Variants in FRMPD4 observed in about 807,000 individuals in gnomAD.
FRMPD4 encodes FERM and PDZ domain containing 4, also known as FERM and PDZ domain-containing protein 4.
A neutral mutation model predicts 94.1 loss-of-function variants in FRMPD4; 22 were observed. The observed-to-expected ratio is 0.23, with a 90% CI of 0.17 to 0.33. FRMPD4 has a LOEUF of 0.33. Among genes scored for constraint, FRMPD4 ranks in the 10% least tolerant of loss-of-function variants. FRMPD4 has a pLI of 1.00. For missense variants in FRMPD4, 1,111 were observed against 1,339.9 expected (o/e 0.83, Z 2.67); for synonymous variants, 631 against 548.6 (o/e 1.15, Z -2.10).
intron 1 of FRMPD4, among the ~76,000 whole-genome samples, chrX:12,319,358 G>C (rs1288759403): frequency 8.9e-6 from 1 of 112,143 alleles, no homozygotes; most frequent in Non-Finnish European, 1.9e-5. Flanking sequence ...TATCTGGAAA[G>C]TTTTAGAAAG....
intron 3 of FRMPD4, among the ~76,000 whole-genome samples, chrX:11,890,666 G>T (rs1038961575): frequency 1.8e-5 from 2 of 112,303 alleles, no homozygotes; most frequent in South Asian, 3.7e-4. Context: ...AAGACAGGTG[G>T]TTAAATAATT....
At chrX:11,992,142 G>GAA (rs58215165) in intron 3 of FRMPD4, among the ~76,000 whole-genome samples, 10,712 of 105,358 alleles carry the variant, frequency 0.1, 429 homozygotes, top group Non-Finnish European at 0.12. Flanking sequence ...AATTAAAAGA[G>GAA]AAAAAAAAAA....
At chrX:11,891,084 C>A (rs2053871040) in intron 3 of FRMPD4, among the ~76,000 whole-genome samples, 2 of 112,871 alleles carry the variant, frequency 1.8e-5, no homozygotes, top group Non-Finnish European at 3.8e-5. Context: ...CCAGCATTTT[C>A]TCTACTTCCT....
At chrX:11,930,141 G>A (rs1340141634) in intron 3 of FRMPD4, among the ~76,000 whole-genome samples, 1 of 64,774 alleles carries the variant, frequency 1.5e-5, no homozygotes, top group East Asian at 1.3e-3. Context: ...AAAAGGCACC[G>A]TCATGGGAAC....
At chrX:12,310,676 A>T (rs187388334) in intron 1 of FRMPD4, among the ~76,000 whole-genome samples, 1 of 112,297 alleles carries the variant, frequency 8.9e-6, no homozygotes, top group Non-Finnish European at 1.9e-5. Flanking sequence ...CCCCAATCCA[A>T]TGCAGCCAGG....
At chrX:11,891,106 G>A (rs1366487938) in intron 3 of FRMPD4, among the ~76,000 whole-genome samples, 3 of 112,584 alleles carry the variant, frequency 2.7e-5, no homozygotes, top group Non-Finnish European at 3.8e-5. Flanking sequence ...TTTTAGACAC[G>A]TCTTCCTGCC....
rs188220120 is a variant in FRMPD4 at position 12,481,034 on chromosome X, G to A, written c.42-17646G>A. On this transcript the variant is annotated intron_variant, in intron 1 of 16. Coordinates refer to ENST00000675598, the MANE Select transcript of FRMPD4 (RefSeq NM_001368397.1). ...AGGAGGTAGAGAGTCAACTCAGGTA[G>A]TAATACCCAATACCTTTGGGCCAGC... Among the ~76,000 whole-genome samples, 316 of 111,610 alleles carry A rather than the reference G, an allele frequency of 2.8e-3. 1 individual carries two copies. Among genetic ancestry groups the A allele is most frequent in the African/African-American group, 9.6e-3 (293 of 30,679 alleles).
At chrX:12,555,938 C>G in intron 2 of FRMPD4, among the ~76,000 whole-genome samples, 1 of 111,124 alleles carries the variant, frequency 9.0e-6, no homozygotes, top group Non-Finnish European at 1.9e-5. Context: ...TGGGGTTTCA[C>G]TATGTTGCCC....
At chrX:12,158,870 A>G (rs192307644) in intron 1 of FRMPD4, among the ~76,000 whole-genome samples, 52 of 112,132 alleles carry the variant, frequency 4.6e-4, no homozygotes, top group African/African-American at 1.6e-3. Context: ...TGTCTTTGAT[A>G]GTCACTCCTA....
chrX:12,622,083 GA>G (rs1159325462), intron 4 of FRMPD4, among the ~76,000 whole-genome samples: 4 of 52,811 alleles, frequency 7.6e-5, no homozygotes, highest in African/African-American at 1.0e-4. Flanking sequence ...AAGAAGGAAA[GA>G]AGAAGAAAAG....
At chrX:12,102,927 A>G (rs746979820) in intron 3 of FRMPD4, among the ~76,000 whole-genome samples, 1 of 111,563 alleles carries the variant, frequency 9.0e-6, no homozygotes, top group Non-Finnish European at 1.9e-5. Flanking sequence ...ACAGAAGGCA[A>G]TAATTTGAGA....
At chrX:11,948,678 A>C (rs2054204006) in intron 3 of FRMPD4, among the ~76,000 whole-genome samples, 1 of 111,330 alleles carries the variant, frequency 9.0e-6, no homozygotes, top group African/African-American at 3.3e-5. Flanking sequence ...CTGCCATCAC[A>C]TATTAGCATC....
At chrX:11,918,836 C>T (rs1282098190) in intron 3 of FRMPD4, among the ~76,000 whole-genome samples, 2 of 111,788 alleles carry the variant, frequency 1.8e-5, no homozygotes, top group Admixed American at 9.4e-5. Flanking sequence ...AAAAAATGAA[C>T]GCAGAGATAG....
At chrX:12,587,457 T>G (rs1171020562) in intron 2 of FRMPD4, among the ~76,000 whole-genome samples, 1 of 111,270 alleles carries the variant, frequency 9.0e-6, no homozygotes, top group Non-Finnish European at 1.9e-5. Flanking sequence ...TCCCCACCCC[T>G]AGCAACCACT....
chrX:12,442,600 G>C (rs1180098955), intron 1 of FRMPD4, among the ~76,000 whole-genome samples: 2 of 111,845 alleles, frequency 1.8e-5, no homozygotes, highest in African/African-American at 6.5e-5. Context: ...AGGGCATGGA[G>C]AAATTAGAAA....
intron 3 of FRMPD4, among the ~76,000 whole-genome samples, chrX:11,990,858 C>T (rs1028340746): frequency 3.6e-5 from 4 of 111,723 alleles, no homozygotes; most frequent in Non-Finnish European, 7.5e-5. Context: ...CTGACTGGAC[C>T]GCATGCTAAT....
At chrX:12,667,533 T>G (rs1304198931) in intron 4 of FRMPD4, among the ~76,000 whole-genome samples, 1 of 112,254 alleles carries the variant, frequency 8.9e-6, no homozygotes, top group Non-Finnish European at 1.9e-5. Context: ...AGAAAGGCAT[T>G]TAAAGAAACA....
intron 3 of FRMPD4, among the ~76,000 whole-genome samples, chrX:12,095,126 T>G (rs1159268488): frequency 2.7e-5 from 3 of 111,544 alleles, no homozygotes; most frequent in Non-Finnish European, 1.9e-5. Context: ...CCTGTAGTCC[T>G]AACACTTTGA....
chrX:11,885,539 T>A (rs755582831), intron 3 of FRMPD4, among the ~76,000 whole-genome samples: 1 of 111,630 alleles, frequency 9.0e-6, no homozygotes, highest in Non-Finnish European at 1.9e-5. Context: ...GCACATTTTA[T>A]GTGTATCTTA....
Sources: gnomAD v4.1 joint callset for allele counts (sites outside exome capture counted in the v4.1 genomes callset) on GRCh38, gnomAD v4.1.1 for gene constraint, MANE v1.5 for transcripts, NCBI Gene and HGNC (gene_info 2026-07-23, HGNC 2026-07-21) for gene names.